TRPC4AP: variants seen among roughly 807,000 people sequenced by gnomAD.
TRPC4AP encodes the protein short transient receptor potential channel 4-associated protein.
A neutral mutation model predicts 99.0 loss-of-function variants in TRPC4AP; 45 were observed. The ratio of observed to expected loss-of-function variants is 0.45; its 90% CI spans 0.36 to 0.58. The LOEUF is 0.58. Ranked by LOEUF, TRPC4AP falls within the 20% of genes least tolerant of loss-of-function variation. The pLI is 0.00. For synonymous variants in TRPC4AP, 408 were observed against 385.8 expected (o/e 1.06, Z -0.67); for missense variants, 879 against 985.3 (o/e 0.89, Z 1.44).
intron 2 of TRPC4AP, among the ~76,000 whole-genome samples, chr20:35,076,612 C>G (rs1265568685): frequency 6.6e-6 from 1 of 152,176 alleles, no homozygotes; most frequent in Non-Finnish European, 1.5e-5. Context: ...GCTGCCTGAT[C>G]CTTTCTCTGG....
chr20:35,052,346 G>A (rs934851261), intron 5 of TRPC4AP, among the ~76,000 whole-genome samples: 4 of 151,570 alleles, frequency 2.6e-5, no homozygotes, highest in South Asian at 2.1e-4. Context: ...CTCCTGCCTC[G>A]GCCTATCAAA....
chr20:35,047,354 T>C (rs1323387578), intron 6 of TRPC4AP, among the ~76,000 whole-genome samples: 1 of 152,248 alleles, frequency 6.6e-6, no homozygotes, highest in African/African-American at 2.4e-5. Flanking sequence ...TTGAGCTTTA[T>C]GAAAATGATA....
intron 6 of TRPC4AP, among the ~76,000 whole-genome samples, chr20:35,045,731 G>A (rs1450990812): frequency 6.6e-6 from 1 of 151,958 alleles, no homozygotes; most frequent in Non-Finnish European, 1.5e-5. Flanking sequence ...GTAGAGATGG[G>A]GTTTCACCAT....
chr20:35,032,494 C>T (rs1330414261), intron 8 of TRPC4AP, among the ~76,000 whole-genome samples: 12 of 106,744 alleles, frequency 1.1e-4, no homozygotes, highest in Admixed American at 9.4e-4. Context: ...TTTTTTGAGA[C>T]AGAGTCTCGC....
rs1161397015 is a variant in TRPC4AP at position 35,084,514 on chromosome 20, A to G, written c.169-6340T>C. 3.7e-5 allele frequency among the ~76,000 whole-genome samples: 5 copies of G among 136,350 alleles called. No individual in the cohort carries two copies. The East Asian group carries it at 7.8e-4, about 21-fold the overall frequency. 89.5% of individuals were successfully genotyped at this position (136,350 alleles called of 152,430 possible). A position where few individuals can be genotyped will look rare whatever the true frequency, so the allele number is the denominator to read the frequency against. ...TATATATCTATATATGTATATACGT[A>G]TATATGTGTATATATGTATATATGT... On this transcript the variant is annotated intron_variant, in intron 1 of 18. Coordinates refer to ENST00000252015, the MANE Select transcript of TRPC4AP (RefSeq NM_015638.3).
intron 14 of TRPC4AP, among the ~76,000 whole-genome samples, chr20:35,007,297 A>AT (rs1461272905): frequency 6.6e-6 from 1 of 152,244 alleles, no homozygotes; most frequent in Non-Finnish European, 1.5e-5. Flanking sequence ...CAGGGTCAAA[A>AT]TGCCTTGCTG....
Position 35,003,266 on chromosome 20 carries a change from G to A in TRPC4AP, c.2274C>T (p.Phe758=). The part of the protein sequence containing the change: ...TCLENSSCIS[F]SYWKETVSIL... ...TGGACACTGTCTCCTTCCAGTATGA[G>A]AAGCTGATGCAGGAGCTCTGGGCAA... The change falls in exon 19 of 19, where the codon TTC becomes TTT. Residue 758 remains phenylalanine (F), a synonymous_variant. Transcript: ENST00000252015. The A allele has an allele frequency of 6.2e-7, 1 of 1,614,188 alleles. No homozygotes were observed. Among genetic ancestry groups the A allele is most frequent in the Non-Finnish European group, 8.5e-7 (1 of 1,180,034 alleles).
rs148106873 is a variant in TRPC4AP, at chr20:35,005,546, T to C, written c.1936+149A>G. On this transcript the variant is annotated intron_variant, in intron 16 of 18. Coordinates refer to ENST00000252015, the MANE Select transcript of TRPC4AP (RefSeq NM_015638.3). ...GTGTTGAACAAGGCAGCAAAGCCAA[T>C]TGCCCTGGAAGCCGCCACCTTGAGG... The C allele has an allele frequency of 2.7e-4, 171 of 632,426 alleles. 1 individual carries two copies. The East Asian group carries it at 4.6e-3, about 17-fold the overall frequency. 39.2% of individuals were successfully genotyped at this position (632,426 alleles called of 1,614,324 possible). A position where few individuals can be genotyped will look rare whatever the true frequency, so the allele number is the denominator to read the frequency against.
At chr20:35,055,706 G>A (rs2083810935) in intron 4 of TRPC4AP, among the ~76,000 whole-genome samples, 1 of 152,170 alleles carries the variant, frequency 6.6e-6, no homozygotes, top group South Asian at 2.1e-4. Context: ...AATTGCTCTT[G>A]TTATAAATTT....
At chr20:35,046,655 G>A (rs999635820) in intron 6 of TRPC4AP, among the ~76,000 whole-genome samples, 4 of 152,112 alleles carry the variant, frequency 2.6e-5, no homozygotes, top group African/African-American at 7.2e-5. Context: ...TAGTAATGGA[G>A]GACAGGAATT....
At chr20:35,044,249 G>A (rs772968610) in intron 7 of TRPC4AP, among the ~76,000 whole-genome samples, 3 of 151,596 alleles carry the variant, frequency 2.0e-5, no homozygotes, top group African/African-American at 2.4e-5. Context: ...AAATTAGCCC[G>A]GTGTGGTGGC....
At chr20:35,023,694 C>T (rs2082946594) in intron 8 of TRPC4AP, among the ~76,000 whole-genome samples, 1 of 152,244 alleles carries the variant, frequency 6.6e-6, no homozygotes, top group Non-Finnish European at 1.5e-5. Context: ...ACGCAGAATC[C>T]TGCCTCTGTC....
rs1478559334 is a variant in TRPC4AP, at chr20:35,002,686, A to G, written c.*460T>C. 1.2e-5 allele frequency: 2 copies of G among 171,312 alleles called. No homozygotes were observed. Among genetic ancestry groups the G allele is most frequent in the African/African-American group, 4.8e-5 (2 of 41,936 alleles). The allele number at this position is 171,312 out of a possible 1,614,324, so 10.6% of individuals were successfully genotyped here. On this transcript the variant is annotated 3_prime_UTR_variant, in exon 19 of 19. Coordinates refer to ENST00000252015, the MANE Select transcript of TRPC4AP (RefSeq NM_015638.3). The stretch of plus-strand genomic sequence containing the variant: ...AGGGGCAGGCTTGGGGGAAGGCAGC[A>G]TTCTCTGGTACCCACCACCCCTGCC...
intron 6 of TRPC4AP, among the ~76,000 whole-genome samples, chr20:35,046,633 C>T (rs542089871): frequency 4.6e-5 from 7 of 152,268 alleles, no homozygotes; most frequent in East Asian, 3.9e-4. Flanking sequence ...ATCCCATACT[C>T]GCCTCTATTT....
chr20:35,003,443 C>A lies in TRPC4AP; in HGVS notation c.2223G>T (p.Leu741=). The A allele has an allele frequency of 6.2e-7, 1 of 1,614,146 alleles. No homozygotes were observed. Among genetic ancestry groups the A allele is most frequent in the Non-Finnish European group, 8.5e-7 (1 of 1,180,022 alleles). The part of the protein sequence containing the change: ...NLLRFWQQHY[L]HKDKDSTCLE... ...GGCAGGTGCTGTCCTTGTCCTTGTG[C>A]AGGTAGTGCTGCTGCCAGAAGCGCA... Residue 741 remains leucine (L), a synonymous_variant, in exon 18 of 19, where the codon CTG becomes CTT. Coordinates refer to ENST00000252015, the MANE Select transcript of TRPC4AP (RefSeq NM_015638.3).
chr20:35,077,389 G>A (rs2084510202), intron 2 of TRPC4AP, among the ~76,000 whole-genome samples: 1 of 152,136 alleles, frequency 6.6e-6, no homozygotes, highest in Admixed American at 6.6e-5. Context: ...GGCCATCCTG[G>A]AACCGGACCC....
chr20:35,041,140 A>C (rs1026844316), intron 7 of TRPC4AP, among the ~76,000 whole-genome samples: 5 of 152,248 alleles, frequency 3.3e-5, no homozygotes, highest in African/African-American at 1.2e-4. Flanking sequence ...TGAGAAAAAT[A>C]AATGTCTGTT....
intron 8 of TRPC4AP, among the ~76,000 whole-genome samples, chr20:35,026,863 C>T (rs2083042770): frequency 6.6e-6 from 1 of 152,030 alleles, no homozygotes; most frequent in South Asian, 2.1e-4. Flanking sequence ...TTGATTGCTA[C>T]TCTATAGAAA....
intron 6 of TRPC4AP, among the ~76,000 whole-genome samples, chr20:35,045,374 ATCTC>A (rs746254860): frequency 6.6e-6 from 1 of 152,110 alleles, no homozygotes; most frequent in East Asian, 1.9e-4. Flanking sequence ...CAGTTTAATC[ATCTC>A]TCTCTTTTAA....
Sources: gnomAD v4.1 joint callset for allele counts (sites outside exome capture counted in the v4.1 genomes callset) on GRCh38, gnomAD v4.1.1 for gene constraint, MANE v1.5 for transcripts, NCBI Gene and HGNC (gene_info 2026-07-23, HGNC 2026-07-21) for gene names.